SLC39A8: variants seen among roughly 807,000 people sequenced by gnomAD.
The protein encoded by SLC39A8 is metal cation symporter ZIP8.
Under a neutral mutation model 40.4 loss-of-function variants are expected in SLC39A8, and 15 were observed. The observed-to-expected ratio is 0.37, with a 90% CI of 0.25 to 0.57. The LOEUF is 0.57. SLC39A8 is among the 20% of genes least tolerant of loss of function. The pLI, the probability that SLC39A8 is intolerant of heterozygous loss-of-function variation, is 0.75. For missense variants in SLC39A8, 472 were observed against 558.8 expected, an observed-to-expected ratio of 0.84 and a Z score of 1.57; for synonymous variants, 223 against 221.6, an observed-to-expected ratio of 1.01 and a Z score of -0.06.
intron 2 of SLC39A8, among the ~76,000 whole-genome samples, chr4:102,318,986 A>C (rs1254285001): frequency 6.6e-6 from 1 of 152,162 alleles, no homozygotes; most frequent in African/African-American, 2.4e-5. Context: ...GTTTGAAGTT[A>C]AGCTCCTATT....
chr4:102,278,380 T>A (rs1732717225), intron 6 of SLC39A8, among the ~76,000 whole-genome samples: 1 of 152,048 alleles, frequency 6.6e-6, no homozygotes, highest in South Asian at 2.1e-4. Context: ...AACAAACATA[T>A]GAAAAAAGGC....
intron 2 of SLC39A8, among the ~76,000 whole-genome samples, chr4:102,318,163 C>T (rs944111727): frequency 4.6e-5 from 7 of 151,964 alleles, no homozygotes; most frequent in Admixed American, 1.3e-4. Context: ...CTCCTACATA[C>T]AATTAGAAAA....
chr4:102,304,244 G>T, intron 6 of SLC39A8, 73 bp downstream of exon 6: 1 of 1,164,340 alleles, frequency 8.6e-7, no homozygotes, highest in Non-Finnish European at 1.2e-6. Context: ...AACTGACTTA[G>T]CTGCATAAAC....
intron 3 of SLC39A8, among the ~76,000 whole-genome samples, chr4:102,314,233 G>A (rs1734562750): frequency 1.3e-5 from 2 of 151,860 alleles, no homozygotes; most frequent in South Asian, 4.2e-4. Flanking sequence ...CGAATCTACT[G>A]CTTCTCCCCA....
chr4:102,262,058 C>T lies in SLC39A8; in HGVS notation c.*986G>A, dbSNP rs1731887361. The T allele has an allele frequency of 1.0e-6, 1 of 985,802 alleles. No homozygotes were observed. The highest frequency in any genetic ancestry group is 1.7e-5 in the African/African-American group (1 of 57,214). The allele number at this position is 985,802 out of a possible 1,614,324, so 61.1% of individuals were successfully genotyped here. A position where few individuals can be genotyped will look rare whatever the true frequency, so the allele number is the denominator to read the frequency against. On this transcript the variant is annotated 3_prime_UTR_variant, in exon 9 of 9. Coordinates refer to ENST00000356736, the MANE Select transcript of SLC39A8 (RefSeq NM_001135146.2). ...CAAAGGAAGTCTTTTCTGAATGGCT[C>T]TCGATCACACATAAGGAACATATGT...
rs151201428 is a variant in SLC39A8 at position 102,273,577 on chromosome 4, G to T, written c.841-5498C>A. ...TCTGAAAAGAGCAGCAGATCTCCCA[G>T]CATAGTGCTCGAGCTCTGCTAAGGG... On this transcript the variant is annotated intron_variant, in intron 6 of 8. Coordinates refer to ENST00000356736, the MANE Select transcript of SLC39A8 (RefSeq NM_001135146.2). 4.5e-3 allele frequency among the ~76,000 whole-genome samples: 686 copies of T among 152,310 alleles called. 3 individuals are homozygous for T. Among genetic ancestry groups the T allele is most frequent in the Middle Eastern group, 0.034 (10 of 294 alleles).
At chr4:102,344,366 A>C in intron 2 of SLC39A8, 78 bp downstream of exon 2, 5 of 1,051,618 alleles carry the variant, frequency 4.8e-6, no homozygotes, top group Non-Finnish European at 6.6e-6. Context: ...ACTTTTCCCA[A>C]ATAAAAACGG....
intron 2 of SLC39A8, among the ~76,000 whole-genome samples, chr4:102,338,333 C>A (rs953149555): frequency 4.6e-5 from 7 of 151,846 alleles, no homozygotes; most frequent in Admixed American, 4.6e-4. Context: ...ACTACAGGCA[C>A]CCACCACTAC....
intron 6 of SLC39A8, among the ~76,000 whole-genome samples, chr4:102,297,170 T>C (rs4698845): frequency 0.3 from 45,600 of 152,050 alleles, 7,439 homozygotes; most frequent in East Asian, 0.41. Context: ...TTAGAAACTG[T>C]ACATGATTAA....
At chr4:102,288,890 T>G (rs1733300626) in intron 6 of SLC39A8, among the ~76,000 whole-genome samples, 1 of 152,128 alleles carries the variant, frequency 6.6e-6, no homozygotes. Context: ...AAGTGCCAAG[T>G]GAAGTAGCAA....
chr4:102,325,807 C>A (rs1560565153), intron 2 of SLC39A8, among the ~76,000 whole-genome samples: 1 of 152,066 alleles, frequency 6.6e-6, no homozygotes. Flanking sequence ...TTCCCCTAAA[C>A]AAAAGGCAGG....
At chr4:102,294,710 G>C (rs1733606049) in intron 6 of SLC39A8, among the ~76,000 whole-genome samples, 1 of 151,736 alleles carries the variant, frequency 6.6e-6, no homozygotes, top group African/African-American at 2.4e-5. Context: ...CTTCCTTACT[G>C]TTTTAACAAG....
At chr4:102,260,418 T>C (rs1731813995), downstream of SLC39A8, among the ~76,000 whole-genome samples, 1 of 152,358 alleles carries the variant, frequency 6.6e-6, no homozygotes, top group South Asian at 2.1e-4. Context: ...TGGCTATTAC[T>C]TCTGAAAAGG....
chr4:102,266,448 T>TA (rs1379903913), intron 8 of SLC39A8, among the ~76,000 whole-genome samples: 30 of 152,200 alleles, frequency 2.0e-4, no homozygotes, highest in Admixed American at 1.9e-3. Flanking sequence ...AGAATGCAAA[T>TA]AAAAAACTCA....
intron 3 of SLC39A8, among the ~76,000 whole-genome samples, chr4:102,310,013 T>C (rs1320196046): frequency 2.0e-5 from 3 of 152,006 alleles, no homozygotes; most frequent in Non-Finnish European, 4.4e-5. Flanking sequence ...TACAGACTTA[T>C]ACTAAATCAC....
At chr4:102,288,139 C>A (rs1733265050) in intron 6 of SLC39A8, among the ~76,000 whole-genome samples, 1 of 152,130 alleles carries the variant, frequency 6.6e-6, no homozygotes, top group African/African-American at 2.4e-5. Flanking sequence ...GCAAGTCTAT[C>A]AGCACCATTT....
intron 6 of SLC39A8, among the ~76,000 whole-genome samples, chr4:102,302,252 T>C (rs1253807915): frequency 6.6e-6 from 1 of 151,992 alleles, no homozygotes; most frequent in Non-Finnish European, 1.5e-5. Context: ...GGCTCCAAAT[T>C]TCATGGCAGA....
Position 102,344,610 on chromosome 4 carries a change from A to G in SLC39A8, c.53T>C (p.Leu18Pro). ...CCCTGGCCCCTCCGCCACTCCTCCG[A>G]GGCCGGCGGCCGCCAGCAACAGGAG... ...AGLLLLAAAG[L>P]GGVAEGPGLA... is the part of the protein sequence containing the mutation. The change falls in exon 2 of 9, where the codon CTC becomes CCC. Residue 18 changes from leucine (L) to proline (P), a missense_variant. Physicochemically the swap from Leu to Pro is moderately conservative, Grantham distance 98 (BLOSUM62 -3). Coordinates refer to ENST00000356736, the MANE Select transcript of SLC39A8 (RefSeq NM_001135146.2). 6.5e-7 allele frequency: 1 copy of G among 1,540,564 alleles called. No homozygotes were observed. The highest frequency in any genetic ancestry group is 8.7e-7 in the Non-Finnish European group (1 of 1,143,594).
At chr4:102,322,445 CT>C (rs1168180160) in intron 2 of SLC39A8, among the ~76,000 whole-genome samples, 1 of 152,124 alleles carries the variant, frequency 6.6e-6, no homozygotes, top group Non-Finnish European at 1.5e-5. Flanking sequence ...TTAAAAGTCA[CT>C]TTTAAAAGCT....
Sources: allele counts gnomAD v4.1 joint callset (sites outside exome capture counted in the v4.1 genomes callset), GRCh38; gene constraint gnomAD v4.1.1; transcripts MANE v1.5; gene names NCBI Gene and HGNC (gene_info 2026-07-23, HGNC 2026-07-21).